Variants in RNF144A observed in about 807,000 individuals in gnomAD.
RNF144A encodes E3 ubiquitin-protein ligase RNF144A.
A neutral mutation model predicts 38.7 loss-of-function variants in RNF144A; 11 were observed. The observed-to-expected ratio is 0.28, with a 90% CI of 0.18 to 0.47. The LOEUF is 0.47. Among genes scored for constraint, RNF144A ranks in the 20% least tolerant of loss-of-function variants. The pLI, the probability that RNF144A is intolerant of heterozygous loss-of-function variation, is 0.99. For missense variants in RNF144A, 316 were observed against 377.2 expected, an observed-to-expected ratio of 0.84 and a Z score of 1.34; for synonymous variants, 149 against 143.9, an observed-to-expected ratio of 1.04 and a Z score of -0.25.
chr2:7,071,583 C>A (rs1003401202), downstream of RNF144A, among the ~76,000 whole-genome samples: 1 of 152,218 alleles, frequency 6.6e-6, no homozygotes, highest in Non-Finnish European at 1.5e-5. Context: ...GTGATGATTA[C>A]AGGTAAATAC....
At chr2:7,036,081 A>T (rs1393880479) in intron 8 of RNF144A, among the ~76,000 whole-genome samples, 1 of 152,092 alleles carries the variant, frequency 6.6e-6, no homozygotes, top group Non-Finnish European at 1.5e-5. Flanking sequence ...TGTGAGCCGC[A>T]CCTGTGCCCT....
chr2:7,044,613 G>T (rs1673228628), downstream of RNF144A, among the ~76,000 whole-genome samples: 1 of 152,082 alleles, frequency 6.6e-6, no homozygotes, highest in Admixed American at 6.5e-5. Flanking sequence ...TCCTTTATCT[G>T]CTGGGGGTGG....
intron 6 of RNF144A, among the ~76,000 whole-genome samples, chr2:7,052,597 T>G (rs919260032): frequency 6.6e-6 from 1 of 152,206 alleles, no homozygotes; most frequent in African/African-American, 2.4e-5. Flanking sequence ...AAATGTGTTC[T>G]GAGCCTCACC....
rs577847137 is a variant in RNF144A at position 7,011,639 on chromosome 2, A to C, written c.136-2815A>C. Among the ~76,000 whole-genome samples the C allele has an allele frequency of 1.2e-3, 184 of 152,374 alleles. 1 individual carries two copies. The highest frequency in any genetic ancestry group is 4.1e-3 in the African/African-American group (169 of 41,588). ...AGAAAGCATTTGTCTACTGCTATCT[A>C]TAATGAGTGCAGTAGTAGGAAAATG... On this transcript the variant is annotated intron_variant, in intron 3 of 8. Coordinates refer to ENST00000320892, the MANE Select transcript of RNF144A (RefSeq NM_014746.6).
intron 2 of RNF144A, among the ~76,000 whole-genome samples, chr2:6,963,595 A>G (rs1003769879): frequency 1.3e-5 from 2 of 152,234 alleles, no homozygotes; most frequent in African/African-American, 2.4e-5. Context: ...AAAGACTATT[A>G]CAAGAGAAGA....
intron 1 of RNF144A, among the ~76,000 whole-genome samples, chr2:6,937,843 T>A (rs969080143): frequency 1.3e-5 from 2 of 152,142 alleles, no homozygotes; most frequent in Non-Finnish European, 2.9e-5. Context: ...GCAAAAAAAT[T>A]AGCATCCTCA....
intron 2 of RNF144A, among the ~76,000 whole-genome samples, chr2:6,967,483 C>T (rs1558391332): frequency 6.6e-6 from 1 of 152,154 alleles, no homozygotes; most frequent in Non-Finnish European, 1.5e-5. Flanking sequence ...CTTTGAGGAG[C>T]CCCTCAGCCT....
At chr2:7,027,490 T>C (rs144993125) in intron 7 of RNF144A, among the ~76,000 whole-genome samples, 271 of 152,332 alleles carry the variant, frequency 1.8e-3, no homozygotes, top group African/African-American at 6.2e-3. Flanking sequence ...TTTCTCAAAC[T>C]AGTGAGGAAG....
chr2:6,972,301 T>C (rs1449424324), intron 2 of RNF144A, among the ~76,000 whole-genome samples: 3 of 152,236 alleles, frequency 2.0e-5, no homozygotes, highest in African/African-American at 4.8e-5. Flanking sequence ...GCTGTACTTC[T>C]TTGTTCAACT....
intron 7 of RNF144A, among the ~76,000 whole-genome samples, chr2:7,025,581 A>G (rs1572429441): frequency 6.6e-6 from 1 of 152,216 alleles, no homozygotes; most frequent in East Asian, 1.9e-4. Flanking sequence ...CTGAGGCACA[A>G]GAATTGCTTG....
At chr2:6,966,286 T>C (rs978447969) in intron 2 of RNF144A, among the ~76,000 whole-genome samples, 2 of 151,982 alleles carry the variant, frequency 1.3e-5, no homozygotes, top group Non-Finnish European at 1.5e-5. Context: ...TCTCCAAATA[T>C]TGGATGTTTT....
downstream of RNF144A, among the ~76,000 whole-genome samples, chr2:7,069,555 C>T (rs1674378009): frequency 1.3e-5 from 2 of 152,220 alleles, no homozygotes; most frequent in African/African-American, 2.4e-5. Flanking sequence ...ATATTCCCAT[C>T]TTTCCCACTC....
rs11691284 is a variant in RNF144A at position 6,938,281 on chromosome 2, C to T, written c.-211-2667C>T. ...TTTTTTTTTTGGATGGAGTTTCGCT[C>T]TTGTTGCCCAGGCTGGAGTGCAACA... is the stretch of plus-strand genomic sequence containing the variant. On this transcript the variant is annotated intron_variant, in intron 1 of 8. Coordinates refer to ENST00000320892, the MANE Select transcript of RNF144A (RefSeq NM_014746.6). Among the ~76,000 whole-genome samples, 300 of 125,240 alleles carry T rather than the reference C, an allele frequency of 2.4e-3. 1 individual carries two copies. The highest frequency in any genetic ancestry group is 8.7e-3 in the African/African-American group (286 of 32,934). The allele number at this position is 125,240 out of a possible 152,430, so 82.2% of individuals were successfully genotyped here.
Position 7,050,508 on chromosome 2 carries a change from G to T in RNF144A, c.735-17708G>T, listed in dbSNP as rs112642147. On this transcript the variant is annotated intron_variant, in intron 6 of 6. Transcript: ENST00000432850. The stretch of plus-strand genomic sequence containing the variant: ...TAATGCAGGTCCTCTTCAGTCTCTC[G>T]TGGACACACCTGGGGCCTCCTAAAG... 2.0e-3 allele frequency among the ~76,000 whole-genome samples: 308 copies of T among 152,148 alleles called. 1 individual carries two copies. The highest frequency in any genetic ancestry group is 0.014 in the Middle Eastern group (4 of 294).
chr2:6,998,773 G>C (rs185638468), intron 3 of RNF144A, among the ~76,000 whole-genome samples: 4 of 152,254 alleles, frequency 2.6e-5, no homozygotes, highest in Non-Finnish European at 5.9e-5. Context: ...GATGAGTTAG[G>C]ATGGTAGAAC....
intron 2 of RNF144A, chr2:6,978,791 A>T (rs935700950): frequency 6.6e-6 from 1 of 152,526 alleles, no homozygotes; most frequent in African/African-American, 2.4e-5. Context: ...TTTAGAAGAG[A>T]GCTCTCTTTC....
intron 2 of RNF144A, among the ~76,000 whole-genome samples, chr2:6,950,799 T>C (rs937897424): frequency 6.6e-6 from 1 of 152,234 alleles, no homozygotes; most frequent in Admixed American, 6.5e-5. Context: ...CCATGTTTAA[T>C]CACCATCTGT....
chr2:6,981,425 C>T (rs181532716), intron 2 of RNF144A, among the ~76,000 whole-genome samples: 51 of 152,184 alleles, frequency 3.4e-4, no homozygotes, highest in African/African-American at 1.1e-3. Context: ...GGTCGCATCT[C>T]GATGCTTTGC....
At chr2:6,976,750 G>A (rs980778427) in intron 2 of RNF144A, among the ~76,000 whole-genome samples, 9 of 151,694 alleles carry the variant, frequency 5.9e-5, no homozygotes, top group Non-Finnish European at 1.0e-4. Context: ...GTGTGAGTAT[G>A]TACTACCCTT....
Sources: gnomAD v4.1 joint callset for allele counts (sites outside exome capture counted in the v4.1 genomes callset) on GRCh38, gnomAD v4.1.1 for gene constraint, MANE v1.5 for transcripts, NCBI Gene and HGNC (gene_info 2026-07-23, HGNC 2026-07-21) for gene names.